The following NTRK3 variants were observed in gnomAD, a reference collection of about 807,000 sequenced individuals.
NTRK3 encodes neurotrophic receptor tyrosine kinase 3.
Under a neutral mutation model 91.7 loss-of-function variants are expected in NTRK3, and 24 were observed. The observed-to-expected ratio is 0.26, with a 90% CI of 0.19 to 0.37. The LOEUF is 0.37. Ranked by LOEUF, NTRK3 falls within the 10% of genes least tolerant of loss-of-function variation. The probability of loss-of-function intolerance (pLI) is 1.00; values close to 1 mark genes in which losing one functional copy is unlikely to be tolerated. For missense variants in NTRK3, 880 were observed against 1,068.9 expected (o/e 0.82, Z 2.46); for synonymous variants, 483 against 404.0 (o/e 1.20, Z -2.34).
chr15:88,216,108 G>T (rs2049742590), intron 3 of NTRK3, among the ~76,000 whole-genome samples: 2 of 152,156 alleles, frequency 1.3e-5, no homozygotes, highest in South Asian at 4.1e-4. Context: ...CATGGCTAGG[G>T]GATCTTAGTG....
At chr15:88,152,351 T>A (rs1173200856) in intron 5 of NTRK3, among the ~76,000 whole-genome samples, 1 of 152,178 alleles carries the variant, frequency 6.6e-6, no homozygotes, top group East Asian at 1.9e-4. Context: ...CCCCATTGTG[T>A]CTGTATTTGG....
rs967426069 is a variant in NTRK3 at position 88,255,101 on chromosome 15, G to T, written c.248+805C>A. ...ATGTTCCAAATGAACCGATCCGCAC[G>T]ATCACACAAGAAACCCCTCTCCTCA... On this transcript the variant is annotated intron_variant, in intron 3 of 18. Coordinates refer to ENST00000394480, the Ensembl canonical transcript of NTRK3. The surrounding 1 kb of genome is among the most constrained non-coding windows in gnomAD (Gnocchi z 4.3). 6.6e-6 allele frequency among the ~76,000 whole-genome samples: 1 copy of T among 152,114 alleles called. No individual in the cohort carries two copies.
At chr15:88,174,364 A>G (rs1221304424) in intron 5 of NTRK3, among the ~76,000 whole-genome samples, 2 of 152,094 alleles carry the variant, frequency 1.3e-5, no homozygotes, top group Non-Finnish European at 2.9e-5. Context: ...GCTGCAGCCA[A>G]AAAATACCTC....
At chr15:88,191,359 T>G (rs1457446557) in intron 3 of NTRK3, among the ~76,000 whole-genome samples, 1 of 152,152 alleles carries the variant, frequency 6.6e-6, no homozygotes. Context: ...GGCTGATTTT[T>G]GTATTTTTAG....
intron 13 of NTRK3, among the ~76,000 whole-genome samples, chr15:88,095,645 C>T (rs1469646891): frequency 1.3e-5 from 2 of 152,290 alleles, no homozygotes; most frequent in East Asian, 1.9e-4. Context: ...CCAGTTGAAT[C>T]CAAATAAATA....
At chr15:87,914,341 G>C (rs753966684) in intron 17 of NTRK3, among the ~76,000 whole-genome samples, 1 of 152,138 alleles carries the variant, frequency 6.6e-6, no homozygotes, top group Non-Finnish European at 1.5e-5. Context: ...TCAGATGTCA[G>C]GGCCATTGGC....
Position 88,127,155 on chromosome 15 carries a change from G to A in NTRK3, c.1293+7C>T, listed in dbSNP as rs1159438350. 1 of 1,612,864 alleles carries A rather than the reference G, an allele frequency of 6.2e-7. No homozygotes were observed. The highest frequency in any genetic ancestry group is 1.3e-5 in the African/African-American group (1 of 74,876). ...AACACACTCCTCTTGACCAAGAAGT[G>A]ACTCACCCCAAAAGTGTCTTCTTCT... On this transcript the variant is annotated splice_region_variant and intron_variant, in intron 12 of 18. Coordinates refer to ENST00000394480, the Ensembl canonical transcript of NTRK3.
chr15:88,153,330 C>T (rs896037078), intron 5 of NTRK3, among the ~76,000 whole-genome samples: 3 of 152,136 alleles, frequency 2.0e-5, no homozygotes, highest in Non-Finnish European at 4.4e-5. Flanking sequence ...GCAACCTCCG[C>T]CTCCCGGGTT....
intron 17 of NTRK3, among the ~76,000 whole-genome samples, chr15:87,882,317 T>C (rs1301592921): frequency 2.0e-5 from 3 of 152,064 alleles, no homozygotes; most frequent in Non-Finnish European, 2.9e-5. Context: ...TCACATCCTT[T>C]CAGAAAATAT....
intron 13 of NTRK3, among the ~76,000 whole-genome samples, chr15:88,106,067 T>G (rs968810139): frequency 2.0e-5 from 3 of 152,258 alleles, no homozygotes; most frequent in Non-Finnish European, 4.4e-5. Flanking sequence ...GTTCAAGGAT[T>G]CTGTTGTCAA....
chr15:87,988,944 G>T (rs1344477097), intron 14 of NTRK3, among the ~76,000 whole-genome samples: 1 of 151,536 alleles, frequency 6.6e-6, no homozygotes, highest in Non-Finnish European at 1.5e-5. Flanking sequence ...TTTAGAGAGG[G>T]TCTGGCTCTG....
intron 3 of NTRK3, among the ~76,000 whole-genome samples, chr15:88,226,106 A>C (rs1337458695): frequency 1.3e-5 from 2 of 152,204 alleles, no homozygotes; most frequent in African/African-American, 2.4e-5. Flanking sequence ...ACACCAGGCA[A>C]GTCCTCTTCC....
exon 13 of NTRK3, chr15:88,126,303 T>C (rs1222636508): frequency 6.2e-7 from 1 of 1,614,072 alleles, no homozygotes; most frequent in Non-Finnish European, 8.5e-7. Context: ...TCGACCATAT[T>C]TGTTGATCAT....
In NTRK3 at chr15:88,114,767, A is replaced by G. The variant is rs148355000; in HGVS notation, c.1396+11504T>C. Reference sequence around the variant, plus strand: ...GGCAGGAAATTAGGAAGGGACTGAAACTAACATTTTTACTCCATTATCTTT... The same window carrying G: ...GGCAGGAAATTAGGAAGGGACTGAAGCTAACATTTTTACTCCATTATCTTT... On this transcript the variant is annotated intron_variant, in intron 13 of 18. Coordinates refer to ENST00000394480, the Ensembl canonical transcript of NTRK3. Among the ~76,000 whole-genome samples, 8 of 152,330 alleles carry G rather than the reference A, an allele frequency of 5.3e-5. No homozygotes were observed. In the East Asian group the frequency reaches 1.5e-3, roughly 29 times the overall value.
At chr15:88,054,659 C>A (rs1452808596) in intron 13 of NTRK3, among the ~76,000 whole-genome samples, 1 of 152,108 alleles carries the variant, frequency 6.6e-6, no homozygotes, top group Non-Finnish European at 1.5e-5. Context: ...ATTATGAGGG[C>A]AACCCCAGAG....
chr15:88,251,757 C>A (rs1251158203), intron 3 of NTRK3, among the ~76,000 whole-genome samples: 2 of 152,246 alleles, frequency 1.3e-5, no homozygotes, highest in African/African-American at 2.4e-5. Flanking sequence ...TTTCTCACAG[C>A]AGCACCTCCT....
At chr15:88,057,499 A>G (rs35202474) in intron 13 of NTRK3, among the ~76,000 whole-genome samples, 5 of 151,564 alleles carry the variant, frequency 3.3e-5, no homozygotes, top group Non-Finnish European at 7.4e-5. Context: ...CTCCCTCTAA[A>G]AAGAAAAAAA....
intron 3 of NTRK3, among the ~76,000 whole-genome samples, chr15:88,246,211 G>A (rs927690304): frequency 2.0e-5 from 3 of 152,224 alleles, no homozygotes; most frequent in Admixed American, 6.5e-5. Context: ...ACAGACAGAC[G>A]AGCCAACGAT....
exon 19 of NTRK3, chr15:87,870,236 T>C (rs1227446115): frequency 1.1e-5 from 2 of 185,940 alleles, no homozygotes; most frequent in Non-Finnish European, 2.3e-5. Context: ...ATATGTATGA[T>C]GGAATACTAC....
Sources: allele counts gnomAD v4.1 joint callset (sites outside exome capture counted in the v4.1 genomes callset), GRCh38; gene constraint gnomAD v4.1.1; non-coding constraint Gnocchi (gnomAD v3.1); transcripts MANE v1.5; gene names NCBI Gene and HGNC (gene_info 2026-07-23, HGNC 2026-07-21).